Variants in PCDHA4 observed in about 807,000 individuals in gnomAD.
PCDHA4 encodes protocadherin alpha-4.
Under a neutral mutation model 61.4 loss-of-function variants are expected in PCDHA4, and 49 were observed. The observed-to-expected ratio is 0.80, with a 90% CI of 0.63 to 1.01. The LOEUF (loss-of-function observed/expected upper bound fraction) is 1.01. Among genes scored for constraint, PCDHA4 ranks in the 50% least tolerant of loss-of-function variants. The probability of loss-of-function intolerance (pLI) is 0.00; values close to 1 mark genes in which losing one functional copy is unlikely to be tolerated. For synonymous variants in PCDHA4, 590 were observed against 550.3 expected, an observed-to-expected ratio of 1.07 and a Z score of -1.01; for missense variants, 1,254 against 1,235.8, an observed-to-expected ratio of 1.01 and a Z score of -0.22.
chr5:140,840,869 C>T (rs1554137936), intron 1 of PCDHA4, among the ~76,000 whole-genome samples: 1 of 151,888 alleles, frequency 6.6e-6, no homozygotes, highest in Admixed American at 6.5e-5. Flanking sequence ...CTATGGAGGA[C>T]AGTTTACATT....
At chr5:140,968,228 C>T in intron 1 of PCDHA4, 1 of 1,614,010 alleles carries the variant, frequency 6.2e-7, no homozygotes, top group East Asian at 2.2e-5. Flanking sequence ...AGGTGTGTTG[C>T]TCTGTACTGT....
intron 1 of PCDHA4, chr5:140,863,421 C>A (rs564217392): frequency 7.2e-6 from 5 of 689,680 alleles, no homozygotes; most frequent in Admixed American, 1.9e-5. Context: ...TGTACCGCAG[C>A]GTAGTGGGAT....
intron 1 of PCDHA4, among the ~76,000 whole-genome samples, chr5:140,925,206 G>C (rs576558414): frequency 6.6e-6 from 1 of 152,116 alleles, no homozygotes; most frequent in African/African-American, 2.4e-5. Context: ...AATAATTATC[G>C]ATACTTTTAG....
chr5:140,823,760 C>A, intron 1 of PCDHA4: 2 of 1,613,900 alleles, frequency 1.2e-6, no homozygotes, highest in Non-Finnish European at 1.7e-6. Flanking sequence ...ACAGCCACAG[C>A]CACAGTGCTG....
At position 140,883,003 on chromosome 5, in the gene PCDHA4, C is replaced by G. The variant is rs781977743; in HGVS notation, c.2385+73431C>G. 3.1e-6 allele frequency: 5 copies of G among 1,613,932 alleles called. No homozygotes were observed. The African/African-American group carries it at 5.3e-5, about 17-fold the overall frequency. On this transcript the variant is annotated intron_variant, in intron 1 of 3. Coordinates refer to ENST00000530339, the MANE Select transcript of PCDHA4 (RefSeq NM_018907.4). ...ACAACGCCCCGGAATTTTACCAATC[C>G]GTTTATAAAGTGACGGTGTTAGAGA... is the stretch of plus-strand genomic sequence containing the variant.
intron 1 of PCDHA4, among the ~76,000 whole-genome samples, chr5:140,897,045 C>T (rs1362151452): frequency 3.3e-5 from 5 of 152,090 alleles, no homozygotes; most frequent in African/African-American, 9.7e-5. Context: ...TCACCCTATT[C>T]TGCTGTCAAA....
intron 3 of PCDHA4, among the ~76,000 whole-genome samples, chr5:140,993,129 G>A (rs1216210971): frequency 6.6e-6 from 1 of 152,160 alleles, no homozygotes; most frequent in Non-Finnish European, 1.5e-5. Flanking sequence ...ATTTCCTTCT[G>A]TTGCAACAAG....
chr5:140,953,913 G>A (rs2094950683), intron 1 of PCDHA4, among the ~76,000 whole-genome samples: 1 of 152,104 alleles, frequency 6.6e-6, no homozygotes, highest in African/African-American at 2.4e-5. Flanking sequence ...CATCCATTAG[G>A]TATTCTTCCT....
At chr5:141,000,558 G>A (rs1462892656) in intron 3 of PCDHA4, among the ~76,000 whole-genome samples, 1 of 149,136 alleles carries the variant, frequency 6.7e-6, no homozygotes, top group Admixed American at 6.8e-5. Flanking sequence ...CTCCCGAGTA[G>A]CTGGGATTAC....
chr5:140,830,218 C>A, intron 1 of PCDHA4: 2 of 1,613,882 alleles, frequency 1.2e-6, no homozygotes, highest in Non-Finnish European at 1.7e-6. Context: ...CGGTATCCAG[C>A]CTGCTGGTCC....
In PCDHA4 at chr5:140,809,443, G is replaced by A; in HGVS notation, c.2256G>A (p.Gln752=). 1 of 1,614,252 alleles carries A rather than the reference G, an allele frequency of 6.2e-7. No homozygotes were observed. The highest frequency in any genetic ancestry group is 8.5e-7 in the Non-Finnish European group (1 of 1,180,034). ...CGGTGGGGAGCTGGTCATACTCGCA[G>A]CAGAGGAGGCCGAGGGTGTGCTCTG... is the stretch of plus-strand genomic sequence containing the variant. ...SSAVGSWSYS[Q]QRRPRVCSGE... Residue 752 remains glutamine (Q), a synonymous_variant, in exon 1 of 4, where the codon CAG becomes CAA. Transcript: ENST00000530339.
chr5:140,883,032 C>T, intron 1 of PCDHA4: 1 of 1,614,064 alleles, frequency 6.2e-7, no homozygotes. Context: ...TTAGAGAACG[C>T]CTTCAATGGA....
In PCDHA4 at chr5:140,961,349, T is replaced by C. The variant is rs1352312577; in HGVS notation, c.2386-17600T>C. Among the ~76,000 whole-genome samples the C allele has an allele frequency of 2.0e-5, 3 of 152,204 alleles. No individual in the cohort carries two copies. The East Asian group carries it at 5.8e-4, about 29-fold the overall frequency. On this transcript the variant is annotated intron_variant, in intron 1 of 3. Coordinates refer to ENST00000530339, the MANE Select transcript of PCDHA4 (RefSeq NM_018907.4). Reference sequence around the variant, plus strand: ...TTGAGAGACCAAGAGTGGATCCCTGTAGTCCCCATTAGAATTCTCCTTCTA... The same window carrying C: ...TTGAGAGACCAAGAGTGGATCCCTGCAGTCCCCATTAGAATTCTCCTTCTA...
intron 1 of PCDHA4, among the ~76,000 whole-genome samples, chr5:140,922,582 G>A (rs548638056): frequency 2.6e-5 from 4 of 152,276 alleles, no homozygotes; most frequent in Non-Finnish European, 4.4e-5. Context: ...CCCTGTAGCC[G>A]CCAGTTCTCA....
Position 140,849,718 on chromosome 5 carries a change from T to C in PCDHA4, c.2385+40146T>C, listed in dbSNP as rs2150446533. The C allele has an allele frequency of 2.5e-6, 4 of 1,598,570 alleles. 1 individual carries two copies. Among genetic ancestry groups the C allele is most frequent in the Non-Finnish European group, 3.4e-6 (4 of 1,168,006 alleles). On this transcript the variant is annotated intron_variant, in intron 1 of 3. Coordinates refer to ENST00000530339, the MANE Select transcript of PCDHA4 (RefSeq NM_018907.4). Reference sequence around the variant, plus strand: ...ACCTACAAGAATTACTACTCGTTGGTGCTGGACAGAGCTCTGGACCGCGAG... The same window carrying C: ...ACCTACAAGAATTACTACTCGTTGGCGCTGGACAGAGCTCTGGACCGCGAG...
rs1254354370 is a variant in PCDHA4, at chr5:140,853,174, T to C, written c.2385+43602T>C. Reference sequence around the variant, plus strand: ...GATTACAGGCGTGAGCCACCGCGCCTGGCCTAAAATGTGTTCTTTATTATT... The same window carrying C: ...GATTACAGGCGTGAGCCACCGCGCCCGGCCTAAAATGTGTTCTTTATTATT... On this transcript the variant is annotated intron_variant, in intron 1 of 3. Coordinates refer to ENST00000530339, the MANE Select transcript of PCDHA4 (RefSeq NM_018907.4). 56 of 970,124 alleles carry C rather than the reference T, an allele frequency of 5.8e-5. 5 individuals carry two copies. Among genetic ancestry groups the C allele is most frequent in the Non-Finnish European group, 6.7e-5 (54 of 803,994 alleles). 60.1% of individuals were successfully genotyped at this position (970,124 alleles called of 1,614,324 possible). A position where few individuals can be genotyped will look rare whatever the true frequency, so the allele number is the denominator to read the frequency against.
At chr5:140,972,754 CCCAAG>C (rs1290105832) in intron 1 of PCDHA4, among the ~76,000 whole-genome samples, 1 of 151,316 alleles carries the variant, frequency 6.6e-6, no homozygotes, top group African/African-American at 2.4e-5. Context: ...ACCTCCGCCT[CCCAAG>C]TTAAAGTGAT....
intron 1 of PCDHA4, chr5:140,967,771 G>A (rs1554229926): frequency 1.2e-6 from 2 of 1,614,222 alleles, no homozygotes; most frequent in Non-Finnish European, 1.7e-6. Context: ...AGATCTATGT[G>A]CAGGCGACTG....
chr5:140,869,091 A>C, intron 1 of PCDHA4: 1 of 1,591,040 alleles, frequency 6.3e-7, no homozygotes, highest in Non-Finnish European at 8.6e-7. Context: ...TTTGGAAGCC[A>C]ATTTCGTATG....
Sources: allele counts gnomAD v4.1 joint callset (sites outside exome capture counted in the v4.1 genomes callset), GRCh38; gene constraint gnomAD v4.1.1; transcripts MANE v1.5; gene names NCBI Gene and HGNC (gene_info 2026-07-23, HGNC 2026-07-21).